Variants in DPF3 observed in about 807,000 individuals in gnomAD.
The protein encoded by DPF3 is double PHD fingers 3.
In DPF3, 18 loss-of-function variants were observed where a neutral mutation model predicts 56.8. The observed-to-expected ratio is 0.32, with a 90% CI of 0.22 to 0.47. The LOEUF (loss-of-function observed/expected upper bound fraction) is 0.47. Ranked by LOEUF, DPF3 falls within the 20% of genes least tolerant of loss-of-function variation. The pLI is 1.00. For missense variants in DPF3, 403 were observed against 488.8 expected (o/e 0.82, Z 1.65); for synonymous variants, 188 against 180.2 (o/e 1.04, Z -0.35).
chr14:72,766,820 C>T (rs1460760773), intron 2 of DPF3, among the ~76,000 whole-genome samples: 2 of 152,114 alleles, frequency 1.3e-5, no homozygotes, highest in African/African-American at 2.4e-5. Context: ...CCCAGAAACA[C>T]CAACAAATGA....
chr14:72,677,309 C>A (rs1886953282), intron 7 of DPF3, among the ~76,000 whole-genome samples: 1 of 152,224 alleles, frequency 6.6e-6, no homozygotes, highest in Non-Finnish European at 1.5e-5. Context: ...CTCAAAGCAT[C>A]CTTCCATTGT....
rs1240531776 is a variant in DPF3 at position 72,617,078 on chromosome 14, G to A, written c.*2219C>T. On this transcript the variant is annotated 3_prime_UTR_variant, in exon 11 of 11. Coordinates refer to ENST00000556509, the MANE Select transcript of DPF3 (RefSeq NM_001280542.3). ...AGTTCCAGTGCCCTGCCTTGGCCTG[G>A]GAGACCCAGCTGAGGCTCAGCTTGT... Among the ~76,000 whole-genome samples, 2 of 152,188 alleles carry A rather than the reference G, an allele frequency of 1.3e-5. No individual in the cohort carries two copies. The highest frequency in any genetic ancestry group is 2.9e-5 in the Non-Finnish European group (2 of 68,030).
intron 7 of DPF3, among the ~76,000 whole-genome samples, chr14:72,683,647 A>T (rs1887267796): frequency 6.6e-6 from 1 of 152,164 alleles, no homozygotes; most frequent in Non-Finnish European, 1.5e-5. Flanking sequence ...AACCCAAGCA[A>T]CCGCGCACCT....
chr14:72,747,340 G>C lies in DPF3; in HGVS notation c.301+5924C>G, dbSNP rs531070577. ...GGTGGCAGCAATTGGTTGTGGGGGG[G>C]TAATAACCCCAGCCAGCTAATCTGT... On this transcript the variant is annotated intron_variant, in intron 3 of 10. Coordinates refer to ENST00000556509, the MANE Select transcript of DPF3 (RefSeq NM_001280542.3). Among the ~76,000 whole-genome samples, 9 of 152,288 alleles carry C rather than the reference G, an allele frequency of 5.9e-5. No individual in the cohort carries two copies. In the South Asian group the frequency reaches 1.9e-3, roughly 32 times the overall value.
intron 8 of DPF3, among the ~76,000 whole-genome samples, chr14:72,643,319 G>C (rs1366798726): frequency 6.6e-6 from 1 of 152,232 alleles, no homozygotes; most frequent in East Asian, 1.9e-4. Flanking sequence ...GGGTGAACTA[G>C]CTGTCCCCTC....
intron 6 of DPF3, among the ~76,000 whole-genome samples, chr14:72,707,765 T>C (rs1888469431): frequency 6.6e-6 from 1 of 151,670 alleles, no homozygotes; most frequent in Non-Finnish European, 1.5e-5. Flanking sequence ...CAGCAAAAAA[T>C]TATCTCCAAG....
intron 1 of DPF3, among the ~76,000 whole-genome samples, chr14:72,782,227 ATT>A (rs66977010): frequency 0.047 from 6,595 of 139,550 alleles, 369 homozygotes; most frequent in African/African-American, 0.14. Flanking sequence ...AGCCCAAGTG[ATT>A]TTTTTTTTTT....
At chr14:72,801,210 T>G (rs1599453817) in intron 1 of DPF3, among the ~76,000 whole-genome samples, 1 of 152,188 alleles carries the variant, frequency 6.6e-6, no homozygotes, top group African/African-American at 2.4e-5. Flanking sequence ...CTACAGAGGA[T>G]GCAGGCACTG....
chr14:72,655,088 G>T (rs1448578801), intron 8 of DPF3, among the ~76,000 whole-genome samples: 1 of 152,112 alleles, frequency 6.6e-6, no homozygotes, highest in Non-Finnish European at 1.5e-5. Flanking sequence ...TACATAAGTT[G>T]TCTCCATCCC....
intron 3 of DPF3, among the ~76,000 whole-genome samples, chr14:72,747,142 T>C (rs933316024): frequency 3.9e-5 from 6 of 152,242 alleles, no homozygotes; most frequent in African/African-American, 9.6e-5. Flanking sequence ...GTCTGATTTC[T>C]CTCACCTCTA....
At chr14:72,803,470 G>T (rs1489569448) in intron 1 of DPF3, among the ~76,000 whole-genome samples, 1 of 152,200 alleles carries the variant, frequency 6.6e-6, no homozygotes, top group Non-Finnish European at 1.5e-5. Context: ...AAAAAAAGAG[G>T]TTGTTGCCTG....
intron 8 of DPF3, among the ~76,000 whole-genome samples, chr14:72,656,015 G>A (rs1012255333): frequency 6.6e-6 from 1 of 152,186 alleles, no homozygotes; most frequent in African/African-American, 2.4e-5. Context: ...TAGGCACCAA[G>A]GTGTTTCTCC....
chr14:72,619,161 GT>G lies in DPF3; in HGVS notation c.*135del. On this transcript the variant is annotated 3_prime_UTR_variant, in exon 11 of 11. Coordinates refer to ENST00000556509, the MANE Select transcript of DPF3 (RefSeq NM_001280542.3). ...ATGCCTCACCCTCTTCGTTCCATGT[GT>G]CCCTGCCCCTCTGGGACTATTTCTT... 1 of 849,854 alleles carries G rather than the reference GT, an allele frequency of 1.2e-6. No homozygotes were observed. Among genetic ancestry groups the G allele is most frequent in the Non-Finnish European group, 1.8e-6 (1 of 560,340 alleles). 52.6% of individuals were successfully genotyped at this position (849,854 alleles called of 1,614,324 possible).
At chr14:72,656,317 C>T (rs773762521) in intron 8 of DPF3, among the ~76,000 whole-genome samples, 6 of 152,180 alleles carry the variant, frequency 3.9e-5, no homozygotes, top group East Asian at 1.9e-4. Flanking sequence ...CCTAGTTTAA[C>T]GCAGCTTGGT....
At chr14:72,887,685 C>T (rs1034776407) in intron 1 of DPF3, among the ~76,000 whole-genome samples, 10 of 16,078 alleles carry the variant, frequency 6.2e-4, no homozygotes, top group African/African-American at 1.0e-3. Context: ...AAGGAATATG[C>T]GGCTCAAAGT....
intron 5 of DPF3, among the ~76,000 whole-genome samples, chr14:72,719,483 T>C (rs1374861418): frequency 6.6e-6 from 1 of 152,150 alleles, no homozygotes; most frequent in African/African-American, 2.4e-5. Context: ...GAATTTGTAT[T>C]TTAACAAAAT....
At chr14:72,893,001 AAGGAAGGAAGGAAG>A (rs1886825925) in intron 1 of DPF3, among the ~76,000 whole-genome samples, 6 of 101,830 alleles carry the variant, frequency 5.9e-5, no homozygotes, top group African/African-American at 1.8e-4. Flanking sequence ...GGAAGGAAGG[AAGGAAGGAAGGAAG>A]GAAGGAAGGA....
At chr14:72,889,097 G>A (rs1334529452) in intron 1 of DPF3, among the ~76,000 whole-genome samples, 1 of 152,150 alleles carries the variant, frequency 6.6e-6, no homozygotes, top group Non-Finnish European at 1.5e-5. Flanking sequence ...CCAGCTACCT[G>A]CATGATTCCA....
chr14:72,634,198 A>G (rs895933809), intron 8 of DPF3, among the ~76,000 whole-genome samples: 5 of 152,212 alleles, frequency 3.3e-5, no homozygotes, highest in Admixed American at 6.5e-5. Flanking sequence ...GTAACTTCTC[A>G]GCCAGGGAGG....
Sources: gnomAD v4.1 joint callset for allele counts (sites outside exome capture counted in the v4.1 genomes callset) on GRCh38, gnomAD v4.1.1 for gene constraint, MANE v1.5 for transcripts, NCBI Gene and HGNC (gene_info 2026-07-23, HGNC 2026-07-21) for gene names.